The following ANXA8 variants were observed in gnomAD, a reference collection of about 807,000 sequenced individuals.
The protein encoded by ANXA8 is annexin A8.
A neutral mutation model predicts 26.8 loss-of-function variants in ANXA8; 9 were observed. The observed-to-expected ratio is 0.34, with a 90% CI of 0.20 to 0.59. The LOEUF (loss-of-function observed/expected upper bound fraction) is 0.59, where lower values mean the gene tolerates loss of function less well. ANXA8 is among the 20% of genes least tolerant of loss of function. The pLI, the probability that ANXA8 is intolerant of heterozygous loss-of-function variation, is 0.84. For synonymous variants in ANXA8, 39 were observed against 94.8 expected (o/e 0.41, Z 3.42); for missense variants, 83 against 238.5 (o/e 0.35, Z 4.29).
the ANXA8 span, among the ~76,000 whole-genome samples, chr10:47,580,781 C>CA: frequency 9.1e-3 from 1,309 of 144,038 alleles, 16 homozygotes; most frequent in Admixed American, 0.013. Flanking sequence ...ACAAAACAAA[C>CA]AAAAAAAAAC....
At chr10:47,738,574 T>C in the ANXA8 span, among the ~76,000 whole-genome samples, 1 of 151,236 alleles carries the variant, frequency 6.6e-6, no homozygotes, top group Admixed American at 6.6e-5. Context: ...GTATTAACTA[T>C]GGAAATTTTT....
chr10:47,940,659 C>G, the ANXA8 span, among the ~76,000 whole-genome samples: 2 of 147,946 alleles, frequency 1.4e-5, no homozygotes, highest in African/African-American at 5.1e-5. Context: ...GAAACACCGT[C>G]TCTACTACAA....
At chr10:47,684,426 G>C in the ANXA8 span, among the ~76,000 whole-genome samples, 1,317 of 146,908 alleles carry the variant, frequency 9.0e-3, 12 homozygotes, top group African/African-American at 0.033. Flanking sequence ...TTTTTTTTGG[G>C]GGGGGGGTGA....
At chr10:47,652,584 G>A in the ANXA8 span, among the ~76,000 whole-genome samples, 3 of 149,368 alleles carry the variant, frequency 2.0e-5, no homozygotes, top group East Asian at 1.9e-4. Context: ...TCAACAGAAC[G>A]AGACTGTCTT....
chr10:47,645,976 G>A, the ANXA8 span, among the ~76,000 whole-genome samples: 1 of 148,866 alleles, frequency 6.7e-6, no homozygotes, highest in South Asian at 2.1e-4. Flanking sequence ...GGAGATTGTG[G>A]AATTTCTCAG....
the ANXA8 span, among the ~76,000 whole-genome samples, chr10:47,681,522 A>AATTTT: frequency 1.2e-5 from 1 of 82,916 alleles, no homozygotes. Context: ...TTTTATTTTT[A>AATTTT]CTTTTTTTTT....
At chr10:47,962,642 ACACT>A in the ANXA8 span, among the ~76,000 whole-genome samples, 2 of 150,670 alleles carry the variant, frequency 1.3e-5, no homozygotes, top group Non-Finnish European at 3.0e-5. Context: ...ACACTCTCAC[ACACT>A]CACAGAGACA....
the ANXA8 span, among the ~76,000 whole-genome samples, chr10:47,694,275 T>C: frequency 2.0e-5 from 3 of 151,372 alleles, no homozygotes; most frequent in Admixed American, 6.6e-5. Context: ...TGAATAAGTT[T>C]CTTTTGTGTG....
chr10:47,979,784 G>A, the ANXA8 span, among the ~76,000 whole-genome samples: 1,080 of 146,002 alleles, frequency 7.4e-3, no homozygotes, highest in Non-Finnish European at 0.011. Flanking sequence ...AGCCAGCAAG[G>A]AAGTGGGAAT....
chr10:47,613,801 G>A, the ANXA8 span, among the ~76,000 whole-genome samples: 3 of 80,564 alleles, frequency 3.7e-5, no homozygotes, highest in Non-Finnish European at 6.2e-5. Flanking sequence ...TAGATCACTT[G>A]CATGCGCAGT....
the ANXA8 span, among the ~76,000 whole-genome samples, chr10:47,618,526 G>A: frequency 2.7e-5 from 3 of 111,976 alleles, no homozygotes; most frequent in South Asian, 8.4e-4. Flanking sequence ...TTCTTAAAAT[G>A]GCATTGAACA....
the ANXA8 span, among the ~76,000 whole-genome samples, chr10:47,737,689 G>T: frequency 6.9e-6 from 1 of 144,636 alleles, no homozygotes; most frequent in African/African-American, 2.5e-5. Context: ...GTGTTTTTTA[G>T]TATATTCAGA....
the ANXA8 span, among the ~76,000 whole-genome samples, chr10:47,918,400 A>AGAAAGAAG: frequency 7.8e-5 from 2 of 25,762 alleles, 1 homozygote; most frequent in Non-Finnish European, 1.5e-4. Context: ...AAAGAAAGAA[A>AGAAAGAAG]GAAAGAAAGA....
At chr10:47,652,890 T>G in the ANXA8 span, among the ~76,000 whole-genome samples, 1 of 150,632 alleles carries the variant, frequency 6.6e-6, no homozygotes, top group Non-Finnish European at 1.5e-5. Flanking sequence ...TATATTTATA[T>G]TATATTTACA....
At chr10:47,562,248 A>C in the ANXA8 span, among the ~76,000 whole-genome samples, 1 of 150,582 alleles carries the variant, frequency 6.6e-6, no homozygotes, top group South Asian at 2.1e-4. Context: ...GCTAGCTTTT[A>C]AAATTGACTA....
intron 11 of ANXA8, among the ~76,000 whole-genome samples, chr10:47,470,290 A>T: frequency 6.6e-6 from 1 of 151,044 alleles, no homozygotes; most frequent in African/African-American, 2.5e-5. Flanking sequence ...TTCTTAAGTA[A>T]CAACATTAGA....
chr10:47,947,933 G>C, the ANXA8 span, among the ~76,000 whole-genome samples: 4 of 150,986 alleles, frequency 2.6e-5, no homozygotes, highest in Non-Finnish European at 4.4e-5. Flanking sequence ...CACTTTCAGA[G>C]CTCATGTGGG....
the ANXA8 span, among the ~76,000 whole-genome samples, chr10:47,974,255 T>C: frequency 1.3e-5 from 2 of 148,566 alleles, 1 homozygote; most frequent in Non-Finnish European, 3.0e-5. Context: ...GTAATATCTT[T>C]GTCATTTCTG....
the ANXA8 span, among the ~76,000 whole-genome samples, chr10:47,521,501 T>A: frequency 2.8e-5 from 4 of 140,564 alleles, no homozygotes; most frequent in African/African-American, 1.1e-4. Flanking sequence ...AACCAAAGTT[T>A]AAATAGAAGA....
Sources: allele counts gnomAD v4.1 joint callset (sites outside exome capture counted in the v4.1 genomes callset), GRCh38; gene constraint gnomAD v4.1.1; transcripts MANE v1.5; gene names NCBI Gene and HGNC (gene_info 2026-07-23, HGNC 2026-07-21).